Variants in SLCO1A2 observed in about 807,000 individuals in gnomAD.
The protein encoded by SLCO1A2 is solute carrier organic anion transporter family member 1A2.
A neutral mutation model predicts 69.0 loss-of-function variants in SLCO1A2; 67 were observed. The observed-to-expected ratio is 0.97, with a 90% CI of 0.80 to 1.19. SLCO1A2 has a LOEUF of 1.19. SLCO1A2 is among the 50% of genes most tolerant of loss of function. SLCO1A2 has a pLI of 0.00. For synonymous variants in SLCO1A2, 260 were observed against 265.9 expected, an observed-to-expected ratio of 0.98 and a Z score of 0.22; for missense variants, 787 against 793.7, an observed-to-expected ratio of 0.99 and a Z score of 0.10.
chr12:21,372,841 T>C (rs1939899516), intron 2 of SLCO1A2: 1 of 160,794 alleles, frequency 6.2e-6, no homozygotes, highest in Non-Finnish European at 1.4e-5. Flanking sequence ...CTGAGCTGCC[T>C]GATGTCAGAG....
chr12:21,335,440 C>T (rs1952851475), upstream of SLCO1A2, among the ~76,000 whole-genome samples: 1 of 144,688 alleles, frequency 6.9e-6, no homozygotes, highest in Non-Finnish European at 1.5e-5. Flanking sequence ...TACAGGCACA[C>T]ATTTTTATAT....
Position 21,412,119 on chromosome 12 carries a change from GCCTGT to G in SLCO1A2, c.-312+5758_-312+5762del, listed in dbSNP as rs1481830502. Among the ~76,000 whole-genome samples, 5 of 152,286 alleles carry G rather than the reference GCCTGT, an allele frequency of 3.3e-5. No individual in the cohort carries two copies. In the East Asian group the frequency reaches 9.7e-4, roughly 29 times the overall value. ...ATGAAGACTGGGCGCGGTGGCTTAT[GCCTGT>G]AATCCCAGCACTTTGGGAGGCCAAG... is the stretch of plus-strand genomic sequence containing the variant. On this transcript the variant is annotated intron_variant, in intron 1 of 4. Coordinates refer to the SLCO1A2 transcript ENST00000413682.
chr12:21,275,377 A>C lies in SLCO1A2; in HGVS notation c.1658T>G (p.Phe553Cys), dbSNP rs1943632600. 1.9e-6 allele frequency: 3 copies of C among 1,560,738 alleles called. No homozygotes were observed. The highest frequency in any genetic ancestry group is 2.6e-6 in the Non-Finnish European group (3 of 1,143,982). ...ATTTTTACCAAATACTCTTGTGCAAAATGTATGTAATCCCACACCAAGGGA... is the reference window on the plus strand; with the variant it reads ...ATTTTTACCAAATACTCTTGTGCAACATGTATGTAATCCCACACCAAGGGA... Reference protein sequence around the residue: ...EKSLGVGLHTFCTRVFAGIPA... With the variant: ...EKSLGVGLHTCCTRVFAGIPA... Residue 553 changes from phenylalanine to cysteine, a missense_variant, in exon 13 of 15, where the codon TTT (phenylalanine) becomes TGT (cysteine). Transcript: ENST00000683939.
Position 21,295,685 on chromosome 12 carries a change from A to T in SLCO1A2, c.1183T>A (p.Ser395Thr), listed in dbSNP as rs1427032531. 5 of 1,608,118 alleles carry T rather than the reference A, an allele frequency of 3.1e-6. No individual in the cohort carries two copies. The highest frequency in any genetic ancestry group is 2.6e-6 in the Non-Finnish European group (3 of 1,174,962). ...AAATAGAGAAGATACTCAAGTAAGG[A>T]TAACCAACATCCTATGTGGGCAGCT... ...KQAAHIGCWL[S>T]LLEYLLYFLS... is the part of the protein sequence containing the mutation. The change falls in exon 10 of 15, where the codon TCC becomes ACC. Residue 395 changes from serine to threonine, a missense_variant. Physicochemically the swap from Ser to Thr is moderately conservative, Grantham distance 58. Coordinates refer to ENST00000683939, the MANE Select transcript of SLCO1A2 (RefSeq NM_001386879.1).
chr12:21,284,584 A>C (rs554647381), intron 12 of SLCO1A2, among the ~76,000 whole-genome samples: 2 of 149,984 alleles, frequency 1.3e-5, no homozygotes, highest in South Asian at 4.3e-4. Flanking sequence ...CACCTATTCC[A>C]AAATTGACCA....
At chr12:21,305,649 A>G (rs1318910577) in intron 5 of SLCO1A2, among the ~76,000 whole-genome samples, 3 of 152,228 alleles carry the variant, frequency 2.0e-5, no homozygotes, top group Admixed American at 6.5e-5. Flanking sequence ...TATATCCACA[A>G]TGAAGCCGAC....
intron 1 of SLCO1A2, among the ~76,000 whole-genome samples, chr12:21,412,507 A>C (rs1341830874): frequency 6.6e-6 from 1 of 152,142 alleles, no homozygotes. Context: ...ATGTTTATGA[A>C]ATGATATTTG....
intron 1 of SLCO1A2, among the ~76,000 whole-genome samples, chr12:21,413,220 C>CTTTTCT (rs1329896912): frequency 3.4e-5 from 4 of 118,808 alleles, no homozygotes; most frequent in African/African-American, 6.3e-5. Flanking sequence ...ATACTTTCTT[C>CTTTTCT]TTTTCTTTTT....
At chr12:21,270,025 TA>T (rs1942518128) in intron 14 of SLCO1A2, among the ~76,000 whole-genome samples, 1 of 90,290 alleles carries the variant, frequency 1.1e-5, no homozygotes, top group Non-Finnish European at 2.1e-5. Context: ...TTGTTATAAC[TA>T]ACTAGTTTTT....
intron 12 of SLCO1A2, among the ~76,000 whole-genome samples, chr12:21,285,161 A>T (rs1565470451): frequency 6.7e-6 from 1 of 148,814 alleles, no homozygotes; most frequent in Non-Finnish European, 1.5e-5. Context: ...ACAATAAAAA[A>T]TGATAAAGGG....
chr12:21,296,415 AC>A (rs2136360577), intron 9 of SLCO1A2, among the ~76,000 whole-genome samples: 1 of 152,134 alleles, frequency 6.6e-6, no homozygotes, highest in Admixed American at 6.6e-5. Flanking sequence ...TAATTTAAAA[AC>A]AAAAATTGCA....
intron 2 of SLCO1A2, among the ~76,000 whole-genome samples, chr12:21,346,226 T>C (rs1186636063): frequency 6.6e-6 from 1 of 152,160 alleles, no homozygotes; most frequent in African/African-American, 2.4e-5. Context: ...TCACTCAATA[T>C]GATTATGCAG....
chr12:21,381,207 TAATA>T (rs1282852966), intron 1 of SLCO1A2, among the ~76,000 whole-genome samples: 1 of 151,622 alleles, frequency 6.6e-6, no homozygotes, highest in South Asian at 2.1e-4. Context: ...GCAGGAGAAA[TAATA>T]AACAGAGTAA....
At chr12:21,328,736 G>A (rs1477132794) in intron 2 of SLCO1A2, among the ~76,000 whole-genome samples, 6 of 150,576 alleles carry the variant, frequency 4.0e-5, no homozygotes, top group Non-Finnish European at 5.9e-5. Flanking sequence ...GGGCAGGAGG[G>A]ATTTCCCCCA....
intron 1 of SLCO1A2, among the ~76,000 whole-genome samples, chr12:21,390,948 G>A (rs1028998607): frequency 6.6e-5 from 10 of 152,098 alleles, no homozygotes; most frequent in African/African-American, 2.4e-4. Flanking sequence ...CCTCTGAGTA[G>A]CTGTATTAAG....
At chr12:21,362,862 G>T (rs1591882690) in intron 2 of SLCO1A2, among the ~76,000 whole-genome samples, 1 of 152,150 alleles carries the variant, frequency 6.6e-6, no homozygotes. Flanking sequence ...AAATATATAT[G>T]CATCCAATAC....
upstream of SLCO1A2, among the ~76,000 whole-genome samples, chr12:21,338,825 C>CAA (rs34233148): frequency 1.3e-5 from 2 of 150,092 alleles, no homozygotes; most frequent in African/African-American, 4.9e-5. Context: ...TTATAAGGCT[C>CAA]AAAAAAAAAC....
Position 21,350,835 on chromosome 12 carries a change from C to CCAA in SLCO1A2, c.-62-16127_-62-16126insTTG, listed in dbSNP as rs1413971950. Among the ~76,000 whole-genome samples, 32 of 40,730 alleles carry CCAA rather than the reference C, an allele frequency of 7.9e-4. 2 individuals are homozygous for CCAA. Among genetic ancestry groups the CCAA allele is most frequent in the South Asian group, 1.6e-3 (1 of 642 alleles). The allele number at this position is 40,730 out of a possible 152,430, so 26.7% of individuals were successfully genotyped here. A position where few individuals can be genotyped will look rare whatever the true frequency, so the allele number is the denominator to read the frequency against. On this transcript the variant is annotated intron_variant, in intron 2 of 15. Transcript: ENST00000307378. ...CTGGTGACAGAGCAAGACTCTGTCTCAAAAAAAAAAAAAAAAAAAAAAAAA... is the reference window on the plus strand; with the variant it reads ...CTGGTGACAGAGCAAGACTCTGTCTCCAAAAAAAAAAAAAAAAAAAAAAAAAAA...
chr12:21,336,190 C>T (rs1447973058), upstream of SLCO1A2, among the ~76,000 whole-genome samples: 4 of 152,016 alleles, frequency 2.6e-5, no homozygotes, highest in Non-Finnish European at 5.9e-5. Flanking sequence ...ATATAGTCAC[C>T]GTATCAAACA....
Sources: allele counts gnomAD v4.1 joint callset (sites outside exome capture counted in the v4.1 genomes callset), GRCh38; gene constraint gnomAD v4.1.1; transcripts MANE v1.5; gene names NCBI Gene and HGNC (gene_info 2026-07-23, HGNC 2026-07-21).